The following SPAG17 variants were observed in gnomAD, a reference collection of about 807,000 sequenced individuals.
The protein encoded by SPAG17 is sperm associated antigen 17, also known as sperm-associated antigen 17.
In SPAG17, 169 loss-of-function variants were observed where a neutral mutation model predicts 273.6. The ratio of observed to expected loss-of-function variants is 0.62; its 90% CI spans 0.55 to 0.70. SPAG17 has a LOEUF of 0.70. SPAG17 is among the 30% of genes least tolerant of loss of function. The pLI, the probability that SPAG17 is intolerant of heterozygous loss-of-function variation, is 0.00. For missense variants in SPAG17, 2,557 were observed against 2,627.8 expected (o/e 0.97, Z 0.59); for synonymous variants, 825 against 873.2 (o/e 0.94, Z 0.97).
intron 15 of SPAG17, among the ~76,000 whole-genome samples, chr1:118,075,043 C>T (rs1012692858): frequency 1.3e-5 from 2 of 152,110 alleles, no homozygotes; most frequent in African/African-American, 4.8e-5. Context: ...TGGGGGCAGG[C>T]CATGCGTGCA....
intron 4 of SPAG17, among the ~76,000 whole-genome samples, chr1:118,102,986 C>T (rs1656169920): frequency 6.6e-6 from 1 of 152,200 alleles, no homozygotes; most frequent in Non-Finnish European, 1.5e-5. Flanking sequence ...GTACCTGCTC[C>T]TCAGCAGAAG....
In SPAG17 at chr1:117,996,418, T is replaced by C. The variant is rs1196254970; in HGVS notation, c.5005A>G (p.Lys1669Glu). ...DIEEYLSLAY[K>E]ESNTVVLQEP... Reference sequence around the variant, plus strand: ...TGGAGAACAACAGTATTTGATTCTTTATATGCCAAAGATAGATATTCTTCT... The same window carrying C: ...TGGAGAACAACAGTATTTGATTCTTCATATGCCAAAGATAGATATTCTTCT... Residue 1669 changes from lysine (K) to glutamate (E), a missense_variant, in exon 34 of 49, where the codon AAA becomes GAA. By Grantham distance (56) the Lys-to-Glu change is moderately conservative (BLOSUM62 1). Transcript: ENST00000336338. 2.5e-6 allele frequency: 4 copies of C among 1,613,150 alleles called. No individual in the cohort carries two copies. The highest frequency in any genetic ancestry group is 3.4e-6 in the Non-Finnish European group (4 of 1,179,414).
intron 48 of SPAG17, chr1:117,955,300 ATCCT>A (rs1360313174): frequency 6.2e-7 from 1 of 1,610,166 alleles, no homozygotes; most frequent in South Asian, 1.1e-5. Context: ...AATGGTATTA[ATCCT>A]TCCTTTATAG....
intron 1 of SPAG17, among the ~76,000 whole-genome samples, chr1:118,182,552 A>G (rs747101300): frequency 6.6e-5 from 10 of 152,204 alleles, no homozygotes; most frequent in Admixed American, 3.3e-4. Context: ...TTGAGATGTG[A>G]TATTTCACTC....
intron 1 of SPAG17, among the ~76,000 whole-genome samples, chr1:118,176,893 G>A (rs1051894073): frequency 4.6e-5 from 7 of 152,080 alleles, no homozygotes; most frequent in Non-Finnish European, 1.0e-4. Flanking sequence ...TCAATAACAA[G>A]AGAAATCTCA....
At chr1:117,957,075 G>A (rs977612683) in intron 48 of SPAG17, 68 of 1,575,830 alleles carry the variant, frequency 4.3e-5, no homozygotes, top group Non-Finnish European at 5.8e-5. Flanking sequence ...CAGTGAGCTG[G>A]AAGAATCTCT....
intron 41 of SPAG17, 97 bp downstream of exon 41, chr1:117,984,582 GAATT>G: frequency 1.3e-6 from 1 of 748,070 alleles, no homozygotes; most frequent in South Asian, 1.9e-5. Flanking sequence ...ATGCAGGAAA[GAATT>G]AAACAGCATC....
intron 3 of SPAG17, among the ~76,000 whole-genome samples, chr1:118,125,331 G>A (rs184494399): frequency 1.5e-4 from 23 of 151,854 alleles, no homozygotes; most frequent in Admixed American, 1.4e-3. Flanking sequence ...ATTAAATCAG[G>A]GTAATTAGCA....
intron 3 of SPAG17, among the ~76,000 whole-genome samples, chr1:118,123,879 G>GGTA (rs1305382937): frequency 1.3e-5 from 2 of 152,142 alleles, no homozygotes; most frequent in African/African-American, 2.4e-5. Context: ...ATACATGGAA[G>GGTA]GTAGAACAGA....
Position 118,079,865 on chromosome 1 carries a change from T to G in SPAG17, c.2209+1236A>C, listed in dbSNP as rs151157625. On this transcript the variant is annotated intron_variant, in intron 15 of 48. Coordinates refer to ENST00000336338, the MANE Select transcript of SPAG17 (RefSeq NM_206996.4). ...TATTGTAATTTTTCCTTGACCTAGG[T>G]GTTAAATTTGGTGTTGTTTAATATG... 4.3e-3 allele frequency among the ~76,000 whole-genome samples: 649 copies of G among 152,100 alleles called. 4 individuals are homozygous for G. The highest frequency in any genetic ancestry group is 0.015 in the African/African-American group (617 of 41,574).
chr1:118,175,343 T>C (rs562583003), intron 1 of SPAG17, among the ~76,000 whole-genome samples: 4 of 152,146 alleles, frequency 2.6e-5, no homozygotes, highest in African/African-American at 9.6e-5. Flanking sequence ...AATGAAGACA[T>C]TCCCAGAAAA....
chr1:118,025,519 A>T, intron 26 of SPAG17, 103 bp from the exon 27 acceptor site: 1 of 933,250 alleles, frequency 1.1e-6, no homozygotes, highest in Non-Finnish European at 1.5e-6. Flanking sequence ...TCTTTATTTT[A>T]AAAATAGAGA....
intron 12 of SPAG17, 39 bp downstream of exon 12, chr1:118,086,632 C>T (rs746540512): frequency 2.6e-6 from 4 of 1,549,190 alleles, no homozygotes; most frequent in Non-Finnish European, 2.7e-6. Flanking sequence ...ACACACTTTC[C>T]CACATCGGTT....
chr1:118,103,296 G>A (rs1469076816), intron 4 of SPAG17, among the ~76,000 whole-genome samples: 3 of 152,114 alleles, frequency 2.0e-5, no homozygotes, highest in Admixed American at 6.6e-5. Flanking sequence ...TCCCTTAGTC[G>A]ATCCCCAATG....
At chr1:118,093,044 T>G in intron 8 of SPAG17, 112 bp downstream of exon 8, 9 of 1,147,206 alleles carry the variant, frequency 7.8e-6, no homozygotes, top group Non-Finnish European at 1.1e-5. Context: ...GTAGGCAGTA[T>G]GACCTTAATG....
chr1:118,044,601 A>G (rs1488278309), intron 20 of SPAG17, among the ~76,000 whole-genome samples: 1 of 152,220 alleles, frequency 6.6e-6, no homozygotes, highest in Non-Finnish European at 1.5e-5. Flanking sequence ...CAGAGTTGAT[A>G]CGGCTTGGAT....
At chr1:118,165,534 G>A (rs1358672013) in intron 1 of SPAG17, among the ~76,000 whole-genome samples, 1 of 151,532 alleles carries the variant, frequency 6.6e-6, no homozygotes, top group Non-Finnish European at 1.5e-5. Context: ...TCTTAGGTTG[G>A]TGCCAAATTC....
intron 30 of SPAG17, among the ~76,000 whole-genome samples, chr1:118,010,510 T>C (rs980416493): frequency 1.3e-5 from 2 of 152,194 alleles, no homozygotes; most frequent in East Asian, 1.9e-4. Context: ...TGGCTGGCCA[T>C]ATGCAGAAGA....
At chr1:118,067,826 A>T (rs893940780) in intron 17 of SPAG17, among the ~76,000 whole-genome samples, 1 of 152,136 alleles carries the variant, frequency 6.6e-6, no homozygotes, top group African/African-American at 2.4e-5. Context: ...ACCATTTTGC[A>T]TTCTCTCCAC....
Sources: allele counts gnomAD v4.1 joint callset (sites outside exome capture counted in the v4.1 genomes callset), GRCh38; gene constraint gnomAD v4.1.1; transcripts MANE v1.5; gene names NCBI Gene and HGNC (gene_info 2026-07-23, HGNC 2026-07-21).